The following RBFOX3 variants were observed in gnomAD, a reference collection of about 807,000 sequenced individuals.
The protein encoded by RBFOX3 is RNA binding protein fox-1 homolog 3.
In RBFOX3, 17 loss-of-function variants were observed where a neutral mutation model predicts 48.7. The observed-to-expected ratio is 0.35, with a 90% confidence interval of 0.24 to 0.52. The LOEUF (loss-of-function observed/expected upper bound fraction) is 0.52. Ranked by LOEUF, RBFOX3 falls within the 20% of genes least tolerant of loss-of-function variation. RBFOX3 has a pLI of 0.94. For synonymous variants in RBFOX3, 212 were observed against 209.5 expected, an observed-to-expected ratio of 1.01 and a Z score of -0.10; for missense variants, 382 against 497.5, an observed-to-expected ratio of 0.77 and a Z score of 2.21.
chr17:79,279,733 T>C lies in RBFOX3; in HGVS notation c.-74+27991A>G, dbSNP rs549248189. 1.4e-4 allele frequency among the ~76,000 whole-genome samples: 21 copies of C among 152,296 alleles called. No individual in the cohort carries two copies. In the South Asian group the frequency reaches 4.4e-3, roughly 32 times the overall value. ...TGCCCTGCAGGCTCGTGGTTGCAGATGTAAACTTCACTCCTTGGGAGCTGT... is the reference window on the plus strand; with the variant it reads ...TGCCCTGCAGGCTCGTGGTTGCAGACGTAAACTTCACTCCTTGGGAGCTGT... On this transcript the variant is annotated intron_variant, in intron 3 of 14. Transcript: ENST00000693108.
chr17:79,447,124 G>A (rs782510049), intron 2 of RBFOX3, among the ~76,000 whole-genome samples: 5 of 152,244 alleles, frequency 3.3e-5, no homozygotes, highest in Admixed American at 6.5e-5. Flanking sequence ...TGCCTTCCAT[G>A]TGTGCAGCAA....
chr17:79,661,405 G>T, the RBFOX3 span, among the ~76,000 whole-genome samples: 1 of 152,224 alleles, frequency 6.6e-6, no homozygotes, highest in African/African-American at 2.4e-5. Flanking sequence ...GGTTCATAGA[G>T]TATAGATGTG....
chr17:79,570,305 G>T (rs1490459206), intron 1 of RBFOX3, among the ~76,000 whole-genome samples: 2 of 152,192 alleles, frequency 1.3e-5, no homozygotes, highest in African/African-American at 4.8e-5. Flanking sequence ...GGAATGGACA[G>T]ATGGATTATG....
chr17:79,264,054 C>G (rs543280623), intron 3 of RBFOX3, among the ~76,000 whole-genome samples: 1 of 151,446 alleles, frequency 6.6e-6, no homozygotes, highest in Non-Finnish European at 1.5e-5. Flanking sequence ...AGGAAGGACC[C>G]TTCCCTAGAG....
chr17:79,112,907 G>T (rs867526309), intron 5 of RBFOX3, among the ~76,000 whole-genome samples: 4 of 71,392 alleles, frequency 5.6e-5, no homozygotes, highest in South Asian at 3.8e-4. Context: ...AGGCTCTCGG[G>T]GGGGGGGTGG....
chr17:79,502,315 TA>T (rs1425879872), intron 1 of RBFOX3, among the ~76,000 whole-genome samples: 1 of 151,782 alleles, frequency 6.6e-6, no homozygotes, highest in Non-Finnish European at 1.5e-5. Flanking sequence ...GCCAAATTCA[TA>T]GAGAAGGAAA....
intron 2 of RBFOX3, among the ~76,000 whole-genome samples, chr17:79,410,721 T>C (rs1333778319): frequency 6.6e-6 from 1 of 152,180 alleles, no homozygotes; most frequent in Non-Finnish European, 1.5e-5. Flanking sequence ...GGAGGTGTTT[T>C]GTTACTCATC....
At chr17:79,429,275 C>A (rs920109885) in intron 2 of RBFOX3, among the ~76,000 whole-genome samples, 1 of 152,254 alleles carries the variant, frequency 6.6e-6, no homozygotes, top group Non-Finnish European at 1.5e-5. Flanking sequence ...CGACCACACA[C>A]CCGCACAGAG....
intron 1 of RBFOX3, among the ~76,000 whole-genome samples, chr17:79,491,033 A>AGAGGG (rs1239496594): frequency 4.1e-4 from 38 of 93,300 alleles, no homozygotes; most frequent in African/African-American, 1.6e-3. Context: ...ATCGGAGAGG[A>AGAGGG]GAGGGGAGGG....
At chr17:79,622,182 G>A in the RBFOX3 span, among the ~76,000 whole-genome samples, 5 of 152,142 alleles carry the variant, frequency 3.3e-5, no homozygotes, top group African/African-American at 4.8e-5. Flanking sequence ...ACCCACAAAG[G>A]CAGCAGCTGC....
chr17:79,226,102 C>T (rs1312510335), intron 4 of RBFOX3, among the ~76,000 whole-genome samples: 1 of 152,164 alleles, frequency 6.6e-6, no homozygotes, highest in Admixed American at 6.5e-5. Flanking sequence ...ATATCCCTGG[C>T]AAAGGGCATT....
At chr17:79,293,471 T>G in intron 3 of RBFOX3, among the ~76,000 whole-genome samples, 1 of 125,844 alleles carries the variant, frequency 7.9e-6, no homozygotes, top group Admixed American at 8.5e-5. Context: ...TTCCTTCCCT[T>G]CCTTCCTGTC....
At chr17:79,440,189 G>A (rs1266733421) in intron 2 of RBFOX3, among the ~76,000 whole-genome samples, 3 of 152,342 alleles carry the variant, frequency 2.0e-5, no homozygotes, top group Admixed American at 6.5e-5. Flanking sequence ...ATTTGCAGCT[G>A]AAGCAGGCAC....
intron 1 of RBFOX3, among the ~76,000 whole-genome samples, chr17:79,530,703 G>A (rs1240719413): frequency 1.3e-5 from 2 of 152,146 alleles, no homozygotes; most frequent in Non-Finnish European, 1.5e-5. Context: ...CTGCAATAGG[G>A]CTGCAGAAAC....
At chr17:79,548,290 G>A (rs782500295) in intron 1 of RBFOX3, among the ~76,000 whole-genome samples, 28 of 152,108 alleles carry the variant, frequency 1.8e-4, no homozygotes, top group Non-Finnish European at 3.4e-4. Context: ...CTGGGGTCTC[G>A]GGCCTGAGGC....
intron 2 of RBFOX3, among the ~76,000 whole-genome samples, chr17:79,319,258 A>G (rs1189366317): frequency 6.6e-6 from 1 of 152,166 alleles, no homozygotes; most frequent in African/African-American, 2.4e-5. Flanking sequence ...GAAAAGTCGC[A>G]CTGTATCACC....
intron 4 of RBFOX3, among the ~76,000 whole-genome samples, chr17:79,216,932 C>T (rs117326532): frequency 0.023 from 3,520 of 152,242 alleles, 49 homozygotes; most frequent in Middle Eastern, 0.034. Context: ...TTTTTACCCC[C>T]GGCCCCTGTC....
chr17:79,390,068 C>T lies in RBFOX3; in HGVS notation c.-174-82244G>A, dbSNP rs891751118. On this transcript the variant is annotated intron_variant, in intron 2 of 14. Coordinates refer to ENST00000693108, the MANE Select transcript of RBFOX3 (RefSeq NM_001350451.2). This position sits in a 1 kb window ranked among gnomAD's most constrained non-coding sequence, Gnocchi z 4.2. Reference sequence around the variant, plus strand: ...CAGGTCTCCGCAGCCGCCGGGTCTCCGCAGCCTCCGGGTCTCCGCAGCCTC... The same window carrying T: ...CAGGTCTCCGCAGCCGCCGGGTCTCTGCAGCCTCCGGGTCTCCGCAGCCTC... Among the ~76,000 whole-genome samples the T allele has an allele frequency of 4.0e-5, 6 of 150,494 alleles. No homozygotes were observed. Among genetic ancestry groups the T allele is most frequent in the Admixed American group, 2.6e-4 (4 of 15,190 alleles).
chr17:79,509,056 G>A (rs1260643296), intron 1 of RBFOX3, among the ~76,000 whole-genome samples: 1 of 152,186 alleles, frequency 6.6e-6, no homozygotes, highest in Non-Finnish European at 1.5e-5. Flanking sequence ...CCCAGGGCAG[G>A]CAGACACTAG....
Sources: gnomAD v4.1 joint callset for allele counts (sites outside exome capture counted in the v4.1 genomes callset) on GRCh38, gnomAD v4.1.1 for gene constraint, Gnocchi (gnomAD v3.1) non-coding constraint, MANE v1.5 for transcripts, NCBI Gene and HGNC (gene_info 2026-07-23, HGNC 2026-07-21) for gene names.